IGFL2: variants seen among roughly 807,000 people sequenced by gnomAD.
IGFL2 encodes the protein IGF like family member 2.
IGFL2 carries 7 observed loss-of-function variants against 13.9 expected under a neutral mutation model. That is an observed-to-expected ratio of 0.51 (90% confidence interval 0.29 to 0.95). The LOEUF is 0.95. Among genes scored for constraint, IGFL2 ranks in the 40% least tolerant of loss-of-function variants. IGFL2 has a pLI of 0.08. For missense variants in IGFL2, 138 were observed against 147.8 expected (o/e 0.93, Z 0.34); for synonymous variants, 55 against 55.8 (o/e 0.99, Z 0.07).
At chr19:46,107,768 T>C in the IGFL2 span, among the ~76,000 whole-genome samples, 1 of 152,152 alleles carries the variant, frequency 6.6e-6, no homozygotes, top group Non-Finnish European at 1.5e-5. Context: ...CGGGACTGGA[T>C]TGGATAATAA....
chr19:46,194,129 G>A, the IGFL2 span, among the ~76,000 whole-genome samples: 3 of 152,102 alleles, frequency 2.0e-5, no homozygotes, highest in African/African-American at 7.2e-5. Flanking sequence ...CCTGAGGTAG[G>A]GCCTGGAGTG....
the IGFL2 span, among the ~76,000 whole-genome samples, chr19:46,103,293 A>G: frequency 6.6e-6 from 1 of 152,172 alleles, no homozygotes; most frequent in African/African-American, 2.4e-5. Context: ...AGCCTCGGCG[A>G]TTTTGGAGGA....
downstream of IGFL2, among the ~76,000 whole-genome samples, chr19:46,162,981 G>T (rs1041413384): frequency 6.6e-6 from 1 of 152,146 alleles, no homozygotes; most frequent in African/African-American, 2.4e-5. Flanking sequence ...TTCTTTTCTG[G>T]ATGTTTTCCC....
downstream of IGFL2, chr19:46,161,338 G>A (rs1236400893): frequency 1.6e-5 from 6 of 376,278 alleles, no homozygotes; most frequent in African/African-American, 1.2e-4. Flanking sequence ...TTTTTTTTTG[G>A]ATTGAAATAG....
the IGFL2 span, among the ~76,000 whole-genome samples, chr19:46,106,822 A>G: frequency 6.6e-6 from 1 of 152,050 alleles, no homozygotes; most frequent in Non-Finnish European, 1.5e-5. Context: ...GGTAAGGGTG[A>G]TTAGATTTTA....
the IGFL2 span, among the ~76,000 whole-genome samples, chr19:46,121,932 C>T: frequency 1.3e-5 from 2 of 150,880 alleles, no homozygotes; most frequent in African/African-American, 4.9e-5. Context: ...TTTAACTTGG[C>T]TTTTACTGCA....
the IGFL2 span, among the ~76,000 whole-genome samples, chr19:46,194,889 T>C: frequency 7.0e-6 from 1 of 142,034 alleles, no homozygotes; most frequent in Non-Finnish European, 1.5e-5. Flanking sequence ...TTGGTAGTGT[T>C]TTTTGTTTTG....
chr19:46,146,709 AT>A (rs554047667), upstream of IGFL2, among the ~76,000 whole-genome samples: 86 of 152,006 alleles, frequency 5.7e-4, 2 homozygotes, highest in South Asian at 0.016. Context: ...TGTAAATGGC[AT>A]TTTTTTTCTT....
chr19:46,124,995 A>G, the IGFL2 span, among the ~76,000 whole-genome samples: 1 of 141,212 alleles, frequency 7.1e-6, no homozygotes, highest in Admixed American at 7.1e-5. Context: ...AAGCTCCGAC[A>G]TTGAGGAGAC....
At chr19:46,148,926 C>T (rs886882684) in intron 1 of IGFL2, 4 of 1,556,352 alleles carry the variant, frequency 2.6e-6, no homozygotes, top group Admixed American at 3.9e-5. Flanking sequence ...CGAACCAGAC[C>T]CAGCCCTGTA....
chr19:46,103,508 G>T, the IGFL2 span, among the ~76,000 whole-genome samples: 1 of 152,166 alleles, frequency 6.6e-6, no homozygotes. Context: ...TGTGAGCAAA[G>T]ATCATCTATC....
At chr19:46,186,299 A>G in the IGFL2 span, among the ~76,000 whole-genome samples, 1 of 152,180 alleles carries the variant, frequency 6.6e-6, no homozygotes, top group East Asian at 1.9e-4. Context: ...GGTGCCGTCC[A>G]TGCCACTTGT....
At chr19:46,144,351 G>A (rs145472302), upstream of IGFL2, among the ~76,000 whole-genome samples, 174 of 152,052 alleles carry the variant, frequency 1.1e-3, no homozygotes, top group African/African-American at 4.0e-3. Flanking sequence ...TCTGGCAGTC[G>A]ACCCTCAAGT....
chr19:46,100,316 C>T, the IGFL2 span, among the ~76,000 whole-genome samples: 1 of 152,126 alleles, frequency 6.6e-6, no homozygotes, highest in African/African-American at 2.4e-5. Flanking sequence ...AGAAAAGTCT[C>T]AATCATTTTA....
At chr19:46,201,611 T>C in the IGFL2 span, among the ~76,000 whole-genome samples, 456 of 152,298 alleles carry the variant, frequency 3.0e-3, 3 homozygotes, top group African/African-American at 9.3e-3. Context: ...CCCGCTATTA[T>C]GTCTCTGCTG....
At chr19:46,186,447 A>AC in the IGFL2 span, among the ~76,000 whole-genome samples, 2 of 152,102 alleles carry the variant, frequency 1.3e-5, no homozygotes, top group Admixed American at 1.3e-4. Flanking sequence ...ATCGGTGTTG[A>AC]CCCCATGCTA....
the IGFL2 span, chr19:46,124,439 G>T: frequency 8.0e-7 from 1 of 1,253,652 alleles, no homozygotes; most frequent in Non-Finnish European, 1.2e-6. Context: ...ATCACTTGGG[G>T]CTAAGTCTGT....
chr19:46,106,341 G>A, the IGFL2 span, among the ~76,000 whole-genome samples: 553 of 152,284 alleles, frequency 3.6e-3, no homozygotes, highest in African/African-American at 0.013. Context: ...TTTTGAATAA[G>A]GTGAGAAGCA....
the IGFL2 span, among the ~76,000 whole-genome samples, chr19:46,119,817 C>G: frequency 6.6e-6 from 1 of 150,634 alleles, no homozygotes. Context: ...GTGCAGCTTG[C>G]CGGCAAGGGG....
Sources: allele counts gnomAD v4.1 joint callset (sites outside exome capture counted in the v4.1 genomes callset), GRCh38; gene constraint gnomAD v4.1.1; transcripts MANE v1.5; gene names NCBI Gene and HGNC (gene_info 2026-07-23, HGNC 2026-07-21).